The following COBL variants were observed in gnomAD, a reference collection of about 807,000 sequenced individuals.
COBL encodes the protein cordon-bleu WH2 repeat protein, also known as protein cordon-bleu.
COBL carries 51 observed loss-of-function variants against 98.8 expected under a neutral mutation model. The observed-to-expected ratio is 0.52, with a 90% CI of 0.41 to 0.65. COBL has a LOEUF of 0.65. COBL is among the 30% of genes least tolerant of loss of function. The pLI is 0.00. For synonymous variants in COBL, 634 were observed against 651.7 expected (o/e 0.97, Z 0.41); for missense variants, 1,617 against 1,617.5 (o/e 1.00, Z 0.01).
chr7:51,103,311 GA>G (rs1345759355), intron 6 of COBL, among the ~76,000 whole-genome samples: 1 of 152,188 alleles, frequency 6.6e-6, no homozygotes, highest in Non-Finnish European at 1.5e-5. Flanking sequence ...GAAAGAGAGA[GA>G]ATTGGTTGTT....
intron 1 of COBL, among the ~76,000 whole-genome samples, chr7:51,290,007 A>G (rs1800738384): frequency 6.6e-6 from 1 of 152,244 alleles, no homozygotes; most frequent in African/African-American, 2.4e-5. Flanking sequence ...TGGGAAAACA[A>G]ATGAGATACA....
chr7:51,216,723 A>C (rs1200601893), intron 2 of COBL, among the ~76,000 whole-genome samples: 3 of 152,192 alleles, frequency 2.0e-5, no homozygotes, highest in African/African-American at 7.2e-5. Context: ...GCATCCAATT[A>C]CTAATGTGTT....
chr7:51,316,447 G>C (rs1803604625), intron 1 of COBL, 146 bp downstream of exon 1: 1 of 527,232 alleles, frequency 1.9e-6, no homozygotes, highest in African/African-American at 2.0e-5. Context: ...CCCAACACCA[G>C]CACCGCACCA....
chr7:51,268,504 G>A (rs896013655), intron 1 of COBL, among the ~76,000 whole-genome samples: 50 of 152,172 alleles, frequency 3.3e-4, no homozygotes, highest in Non-Finnish European at 2.5e-4. Context: ...GAGAAGAAGA[G>A]TTACTAAGCA....
intron 2 of COBL, among the ~76,000 whole-genome samples, chr7:51,203,247 G>A (rs1791318135): frequency 8.6e-6 from 1 of 116,804 alleles, no homozygotes; most frequent in South Asian, 3.3e-4. Context: ...CGGATCACGA[G>A]GTCAGGAGAT....
At position 51,025,207 on chromosome 7, in the gene COBL, A is replaced by G. The variant is rs1588247257; in HGVS notation, c.3670T>C (p.Ser1224Pro). The G allele has an allele frequency of 7.4e-7, 1 of 1,357,856 alleles. No individual in the cohort carries two copies. Among genetic ancestry groups the G allele is most frequent in the Non-Finnish European group, 9.7e-7 (1 of 1,027,354 alleles). The allele number at this position is 1,357,856 out of a possible 1,614,324, so 84.1% of individuals were successfully genotyped here. A position where few individuals can be genotyped will look rare whatever the true frequency, so the allele number is the denominator to read the frequency against. The stretch of plus-strand genomic sequence containing the variant: ...CTGAGGGTGCCCGTGCTGAACCTGG[A>G]GGCCGTCCTTGGTGCAGAGAGAGCC... ...SQALSAPRTA[S>P]RFSTGTLSNT... The change falls in exon 12 of 13, where the codon TCC (serine) becomes CCC (proline). Residue 1224 changes from serine to proline, a missense_variant. Transcript: ENST00000265136.
chr7:51,213,094 T>C (rs1190353868), intron 2 of COBL, among the ~76,000 whole-genome samples: 1 of 152,232 alleles, frequency 6.6e-6, no homozygotes, highest in Non-Finnish European at 1.5e-5. Context: ...GCCTAGTTTC[T>C]TGTGTGGGAC....
intron 1 of COBL, among the ~76,000 whole-genome samples, chr7:51,261,891 T>C (rs1474220264): frequency 6.6e-6 from 1 of 151,950 alleles, no homozygotes; most frequent in African/African-American, 2.4e-5. Context: ...GAGGTTGCAG[T>C]GAGCCAAGAT....
rs149461023 is a variant in COBL, at chr7:51,028,614, G to A, written c.2482C>T (p.Pro828Ser). The change falls in exon 10 of 13, where the codon CCC (proline) becomes TCC (serine). Residue 828 changes from proline (P) to serine (S), a missense_variant. Coordinates refer to ENST00000265136, the MANE Select transcript of COBL (RefSeq NM_015198.5). ...QKSAHHEGRNPLGEGRNQPPT... is the reference protein window; with the variant it reads ...QKSAHHEGRNSLGEGRNQPPT... ...GGCTGGTTTCTCCCCTCCCCTAGGG[G>A]GTTCCGGCCCTCATGGTGGGCAGAC... The A allele has an allele frequency of 2.5e-6, 4 of 1,613,690 alleles. No individual in the cohort carries two copies. The African/African-American group carries it at 4.0e-5, about 16-fold the overall frequency.
At chr7:51,254,865 C>T (rs1478002180) in intron 1 of COBL, among the ~76,000 whole-genome samples, 1 of 152,212 alleles carries the variant, frequency 6.6e-6, no homozygotes, top group Non-Finnish European at 1.5e-5. Context: ...CAGACCTTAT[C>T]AAAGGGCTGA....
intron 7 of COBL, among the ~76,000 whole-genome samples, chr7:51,077,711 T>A (rs1220485826): frequency 1.3e-5 from 2 of 152,194 alleles, no homozygotes; most frequent in African/African-American, 4.8e-5. Context: ...AGCAGATGCT[T>A]TAGTTCCTGA....
intron 7 of COBL, among the ~76,000 whole-genome samples, chr7:51,077,356 A>T (rs1366475978): frequency 6.6e-6 from 1 of 152,246 alleles, no homozygotes; most frequent in Non-Finnish European, 1.5e-5. Flanking sequence ...TTGAGAGGTT[A>T]CATAGCTTAG....
intron 2 of COBL, among the ~76,000 whole-genome samples, chr7:51,217,246 T>C (rs1290080179): frequency 1.3e-5 from 2 of 152,142 alleles, no homozygotes; most frequent in Non-Finnish European, 2.9e-5. Context: ...ACTTTTAGAA[T>C]GCGCATTCTA....
chr7:51,126,908 G>A (rs1388973582), intron 6 of COBL, among the ~76,000 whole-genome samples: 1 of 152,108 alleles, frequency 6.6e-6, no homozygotes, highest in Non-Finnish European at 1.5e-5. Context: ...TGGCCCATTC[G>A]TCTCGCATGA....
At chr7:51,049,576 G>A (rs1790044430) in intron 7 of COBL, among the ~76,000 whole-genome samples, 2 of 152,164 alleles carry the variant, frequency 1.3e-5, no homozygotes, top group Non-Finnish European at 2.9e-5. Flanking sequence ...GCGAAGGTGG[G>A]ATTCATGGAC....
chr7:51,031,001 A>C, intron 8 of COBL, 92 bp from the exon 9 acceptor site: 6 of 892,958 alleles, frequency 6.7e-6, no homozygotes, highest in Non-Finnish European at 1.1e-5. Flanking sequence ...AGAACAGCTC[A>C]TACTCAAATT....
At chr7:51,132,825 C>T (rs189306003) in intron 6 of COBL, among the ~76,000 whole-genome samples, 100 of 152,060 alleles carry the variant, frequency 6.6e-4, no homozygotes, top group African/African-American at 2.4e-3. Context: ...GGAGCAAGGA[C>T]GGAGGGGCTG....
intron 5 of COBL, among the ~76,000 whole-genome samples, chr7:51,167,658 C>T (rs1018182776): frequency 6.6e-5 from 10 of 152,052 alleles, no homozygotes; most frequent in Non-Finnish European, 1.0e-4. Context: ...GAAGGAATCA[C>T]ATTACCTGAC....
At chr7:51,061,968 C>CATAT (rs1403477154) in intron 7 of COBL, among the ~76,000 whole-genome samples, 1 of 146,020 alleles carries the variant, frequency 6.8e-6, no homozygotes, top group African/African-American at 2.7e-5. Context: ...CACACACACA[C>CATAT]ACACACACAC....
Sources: allele counts gnomAD v4.1 joint callset (sites outside exome capture counted in the v4.1 genomes callset), GRCh38; gene constraint gnomAD v4.1.1; transcripts MANE v1.5; gene names NCBI Gene and HGNC (gene_info 2026-07-23, HGNC 2026-07-21).